HTATSF1: variants seen among roughly 807,000 people sequenced by gnomAD.
HTATSF1 encodes 17S U2 SnRNP complex component HTATSF1.
A neutral mutation model predicts 46.1 loss-of-function variants in HTATSF1; 6 were observed. That is an observed-to-expected ratio of 0.13 (90% CI 0.07 to 0.26). The LOEUF is 0.26. Among genes scored for constraint, HTATSF1 ranks in the 10% least tolerant of loss-of-function variants. The pLI is 1.00. For synonymous variants in HTATSF1, 226 were observed against 211.5 expected (o/e 1.07, Z -0.60); for missense variants, 452 against 559.9 (o/e 0.81, Z 1.94).
chrX:136,509,730 G>A (rs2075758774), intron 7 of HTATSF1, among the ~76,000 whole-genome samples: 1 of 112,146 alleles, frequency 8.9e-6, no homozygotes, highest in South Asian at 3.7e-4. Flanking sequence ...TTGAACACCT[G>A]GCTCAAGGTT....
At chrX:136,500,558 A>G (rs1429867429) in intron 3 of HTATSF1, 106 bp from the exon 4 acceptor site, 1 of 529,368 alleles carries the variant, frequency 1.9e-6, no homozygotes, top group African/African-American at 2.5e-5. Context: ...CATTTAGAAA[A>G]TCAACATTGC....
At chrX:136,500,990 G>A (rs772331736) in intron 4 of HTATSF1, among the ~76,000 whole-genome samples, 172 bp downstream of exon 4, 25 of 112,420 alleles carry the variant, frequency 2.2e-4, no homozygotes, top group Non-Finnish European at 3.2e-4. Context: ...TTATTCACTT[G>A]TTTTAAGAAA....
At chrX:136,508,962 T>C in intron 6 of HTATSF1, 129 bp from the exon 7 acceptor site, 2 of 485,305 alleles carry the variant, frequency 4.1e-6, no homozygotes, top group African/African-American at 4.8e-5. Flanking sequence ...AAAAATTGTA[T>C]AGAATGAAAA....
chrX:136,506,554 T>C (rs1357836654), intron 6 of HTATSF1, among the ~76,000 whole-genome samples: 1 of 112,615 alleles, frequency 8.9e-6, no homozygotes, highest in East Asian at 2.8e-4. Context: ...GAAACCCTTG[T>C]TATTTACAAG....
chrX:136,506,730 GT>G (rs1337514846), intron 6 of HTATSF1, among the ~76,000 whole-genome samples: 2 of 112,206 alleles, frequency 1.8e-5, no homozygotes, highest in Admixed American at 1.9e-4. Flanking sequence ...TGCTATCCTT[GT>G]TTGCCCACCT....
At chrX:136,505,115 T>C (rs768142133) in intron 6 of HTATSF1, among the ~76,000 whole-genome samples, 2 of 112,336 alleles carry the variant, frequency 1.8e-5, no homozygotes, top group South Asian at 7.4e-4. Context: ...ACTGACTTTA[T>C]TGTTGTGGAG....
At position 136,512,091 on chromosome X, in the gene HTATSF1, A is replaced by G; in HGVS notation, c.*78A>G. On this transcript the variant is annotated 3_prime_UTR_variant, in exon 9 of 9. Transcript: ENST00000218364. Reference sequence around the variant, plus strand: ...TCAGGGTAATTACTAGTAGTGTTACATGAACATGTGCATAGTGGTAGGATG... The same window carrying G: ...TCAGGGTAATTACTAGTAGTGTTACGTGAACATGTGCATAGTGGTAGGATG... The G allele has an allele frequency of 9.8e-7, 1 of 1,018,851 alleles. No homozygotes were observed. The highest frequency in any genetic ancestry group is 1.9e-5 in the African/African-American group (1 of 52,999). The allele number at this position is 1,018,851 out of a possible 1,213,427, so 84.0% of individuals were successfully genotyped here.
At chrX:136,510,026 G>T in intron 7 of HTATSF1, 56 bp from the exon 8 acceptor site, 8 of 1,081,301 alleles carry the variant, frequency 7.4e-6, no homozygotes, top group Non-Finnish European at 1.0e-5. Flanking sequence ...TGAAATGTAT[G>T]TGTTTTATTT....
chrX:136,497,969 G>A, intron 1 of HTATSF1, 99 bp downstream of exon 1: 1 of 612,101 alleles, frequency 1.6e-6, no homozygotes, highest in Non-Finnish European at 2.4e-6. Flanking sequence ...TTGGTCCTTG[G>A]TCCTAGCCCC....
rs761180909 is a variant in HTATSF1 at position 136,510,153 on chromosome X, C to T, written c.996C>T (p.Leu332=). The T allele has an allele frequency of 3.3e-5, 40 of 1,207,361 alleles. No homozygotes were observed. The highest frequency in any genetic ancestry group is 1.8e-4 in the East Asian group (6 of 33,731). ...AAGCTGATTATTGTATTCAGACTCT[C>T]GATGGAAGATGGTTTGGTGGCCGTC... ...PEEADYCIQT[L]DGRWFGGRQI... Residue 332 remains leucine, a synonymous_variant, in exon 8 of 9, where the codon CTC becomes CTT. Coordinates refer to ENST00000218364, the MANE Select transcript of HTATSF1 (RefSeq NM_014500.5).
At chrX:136,503,221 G>A (rs191043655) in intron 5 of HTATSF1, among the ~76,000 whole-genome samples, 104 of 111,949 alleles carry the variant, frequency 9.3e-4, no homozygotes, top group Non-Finnish European at 1.6e-3. Context: ...AAATAAGATA[G>A]TTTAGGCTTA....
At chrX:136,510,652 A>G (rs1302205118) in intron 8 of HTATSF1, among the ~76,000 whole-genome samples, 156 bp from the exon 9 acceptor site, 4 of 113,018 alleles carry the variant, frequency 3.5e-5, no homozygotes, top group African/African-American at 1.3e-4. Context: ...TAGTAAATCA[A>G]GATGTAAAGT....
At chrX:136,502,202 G>A in intron 4 of HTATSF1, among the ~76,000 whole-genome samples, 1 of 111,757 alleles carries the variant, frequency 8.9e-6, no homozygotes. Context: ...CTACTTCTCA[G>A]TGTATTACAG....
At chrX:136,506,173 T>C (rs1334051042) in intron 6 of HTATSF1, among the ~76,000 whole-genome samples, 1 of 112,067 alleles carries the variant, frequency 8.9e-6, no homozygotes, top group East Asian at 2.8e-4. Flanking sequence ...ACTTAGCTCT[T>C]CCCAGCTTAA....
rs1211677412 is a variant in HTATSF1, at chrX:136,497,607, T to A, written c.-78T>A. 5 of 892,881 alleles carry A rather than the reference T, an allele frequency of 5.6e-6. No individual in the cohort carries two copies. Among genetic ancestry groups the A allele is most frequent in the Non-Finnish European group, 6.0e-6 (4 of 663,820 alleles). The allele number at this position is 892,881 out of a possible 1,213,427, so 73.6% of individuals were successfully genotyped here. A position where few individuals can be genotyped will look rare whatever the true frequency, so the allele number is the denominator to read the frequency against. ...GGGCGCGAGCAGAGCGCGGTTGACC[T>A]CCCTTTCTCTGCTCAGCTCCAGCGT... On this transcript the variant is annotated 5_prime_UTR_variant, in exon 1 of 9. Transcript: ENST00000218364.
At chrX:136,497,939 C>T (rs1603305802) in intron 1 of HTATSF1, 69 bp downstream of exon 1, 1 of 881,443 alleles carries the variant, frequency 1.1e-6, no homozygotes, top group South Asian at 2.9e-5. Context: ...ACTCCTTTTA[C>T]GTTTGCTTTG....
Position 136,511,566 on chromosome X carries a change from T to A in HTATSF1, c.1821T>A (p.Ser607=), listed in dbSNP as rs372545715. 8.3e-7 allele frequency: 1 copy of A among 1,209,217 alleles called. No homozygotes were observed. Among genetic ancestry groups the A allele is most frequent in the African/African-American group, 1.8e-5 (1 of 57,036 alleles). Reference sequence around the variant, plus strand: ...ACTCCGAATTTGAAGATGACGGCTCTGAAAAAGTGTTAGATGAGGAAGGCT... The same window carrying A: ...ACTCCGAATTTGAAGATGACGGCTCAGAAAAAGTGTTAGATGAGGAAGGCT... ...SENSEFEDDG[S]EKVLDEEGSE... is the part of the protein sequence containing the mutation. Residue 607 remains serine, a synonymous_variant, in exon 9 of 9, where the codon TCT becomes TCA. Coordinates refer to ENST00000218364, the MANE Select transcript of HTATSF1 (RefSeq NM_014500.5).
Position 136,509,131 on chromosome X carries a change from G to A in HTATSF1, c.875G>A (p.Arg292Gln), listed in dbSNP as rs777156479. 1 of 1,208,848 alleles carries A rather than the reference G, an allele frequency of 8.3e-7. No homozygotes were observed. Among genetic ancestry groups the A allele is most frequent in the Non-Finnish European group, 1.1e-6 (1 of 893,008 alleles). The stretch of plus-strand genomic sequence containing the variant: ...CTGAATGAGATCAGAGAAGACCTTC[G>A]AGTAGAGTGTTCGAAGTTTGGACAA... ...LVLNEIREDLRVECSKFGQIR... is the reference protein window; with the variant it reads ...LVLNEIREDLQVECSKFGQIR... Residue 292 changes from arginine (R) to glutamine (Q), a missense_variant, in exon 7 of 9, where the codon CGA (arginine) becomes CAA (glutamine). Physicochemically the swap from Arg to Gln is conservative, Grantham distance 43 (BLOSUM62 1). Around this residue, in one of 3 missense-constraint regions of HTATSF1, gnomAD observed 117 missense variants for 222.2 expected, o/e 0.53. Transcript: ENST00000218364.
At chrX:136,500,545 A>G in intron 3 of HTATSF1, 119 bp from the exon 4 acceptor site, 1 of 491,157 alleles carries the variant, frequency 2.0e-6, no homozygotes, top group Non-Finnish European at 3.3e-6. Flanking sequence ...AAACTTTTAC[A>G]TACATTTAGA....
Sources: gnomAD v4.1 joint callset for allele counts (sites outside exome capture counted in the v4.1 genomes callset) on GRCh38, gnomAD v4.1.1 for gene constraint, gnomAD v4.1.1 regional missense constraint, MANE v1.5 for transcripts, NCBI Gene and HGNC (gene_info 2026-07-23, HGNC 2026-07-21) for gene names.